Variants in TRIM67 observed in about 807,000 individuals in gnomAD.
TRIM67 encodes tripartite motif-containing protein 67.
A neutral mutation model predicts 71.0 loss-of-function variants in TRIM67; 39 were observed. The ratio of observed to expected loss-of-function variants is 0.55; its 90% confidence interval spans 0.43 to 0.72. The LOEUF (loss-of-function observed/expected upper bound fraction) is 0.72, where lower values mean the gene tolerates loss of function less well. Ranked by LOEUF, TRIM67 falls within the 30% of genes least tolerant of loss-of-function variation. TRIM67 has a pLI of 0.00. For missense variants in TRIM67, 973 were observed against 1,079.2 expected, an observed-to-expected ratio of 0.90 and a Z score of 1.38; for synonymous variants, 481 against 473.9, an observed-to-expected ratio of 1.01 and a Z score of -0.19.
At position 231,221,049 on chromosome 1, in the gene TRIM67, CAGA is replaced by C. The variant is rs143715794; in HGVS notation, c.*5615_*5617del. Reference sequence around the variant, plus strand: ...CAGAGCCCCAGGCTTTCTCGGCACCCAGAAGAAGTGGGGAGCGGGCAAAGCAGA... The same window carrying C: ...CAGAGCCCCAGGCTTTCTCGGCACCCAGAAGTGGGGAGCGGGCAAAGCAGA... On this transcript the variant is annotated 3_prime_UTR_variant, in exon 10 of 10. Transcript: ENST00000366653. 4,162 of 152,412 alleles carry C rather than the reference CAGA, an allele frequency of 0.027. 80 individuals are homozygous for C. Among genetic ancestry groups the C allele is most frequent in the South Asian group, 0.046 (223 of 4,822 alleles). 9.4% of individuals were successfully genotyped at this position (152,412 alleles called of 1,614,324 possible).
intron 1 of TRIM67, among the ~76,000 whole-genome samples, chr1:231,173,632 G>A (rs562880233): frequency 3.3e-5 from 5 of 152,168 alleles, no homozygotes; most frequent in Non-Finnish European, 2.9e-5. Context: ...TGAATAAGGG[G>A]CAGAAGCAGA....
chr1:231,178,483 G>A (rs141787856), intron 1 of TRIM67, among the ~76,000 whole-genome samples: 5 of 152,324 alleles, frequency 3.3e-5, no homozygotes, highest in Non-Finnish European at 7.3e-5. Flanking sequence ...GAACGTCAAG[G>A]CTGAGAATGC....
intron 6 of TRIM67, 80 bp from the exon 7 acceptor site, chr1:231,206,572 A>G: frequency 1.4e-6 from 2 of 1,392,910 alleles, no homozygotes; most frequent in Non-Finnish European, 9.5e-7. Context: ...TTTAATGTCA[A>G]TGTGTTTCCA....
At chr1:231,190,621 T>A (rs1033458213) in intron 1 of TRIM67, among the ~76,000 whole-genome samples, 1 of 152,108 alleles carries the variant, frequency 6.6e-6, no homozygotes, top group African/African-American at 2.4e-5. Context: ...AGCTGGCTCC[T>A]CCCTAAGTGG....
intron 8 of TRIM67, among the ~76,000 whole-genome samples, chr1:231,212,293 T>C (rs573400847): frequency 6.6e-6 from 1 of 152,350 alleles, no homozygotes; most frequent in East Asian, 1.9e-4. Flanking sequence ...GGACACGAAC[T>C]CAAGGTTTTA....
At chr1:231,173,912 G>T (rs1255244084) in intron 1 of TRIM67, among the ~76,000 whole-genome samples, 1 of 152,110 alleles carries the variant, frequency 6.6e-6, no homozygotes, top group East Asian at 1.9e-4. Flanking sequence ...ATGGAGAGAG[G>T]CTTATGCATT....
rs1369158873 is a variant in TRIM67 at position 231,174,864 on chromosome 1, C to T, written c.1044+10851C>T. ...ATGCCCTTTTTGAAACTAATAAATG[C>T]ATAAATAAACAAAATAAGTAGTCTA... On this transcript the variant is annotated intron_variant, in intron 1 of 9. Transcript: ENST00000366653. Among the ~76,000 whole-genome samples the T allele has an allele frequency of 5.3e-5, 8 of 152,154 alleles. No homozygotes were observed. The East Asian group carries it at 1.5e-3, about 29-fold the overall frequency.
In TRIM67 at chr1:231,219,510, G is replaced by A; in HGVS notation, c.*4070G>A. 1.9e-6 allele frequency: 2 copies of A among 1,073,842 alleles called. No individual in the cohort carries two copies. The highest frequency in any genetic ancestry group is 4.5e-4 in the Middle Eastern group (1 of 2,220). 66.5% of individuals were successfully genotyped at this position (1,073,842 alleles called of 1,614,324 possible). A position where few individuals can be genotyped will look rare whatever the true frequency, so the allele number is the denominator to read the frequency against. On this transcript the variant is annotated 3_prime_UTR_variant, in exon 10 of 10. Transcript: ENST00000366653. The stretch of plus-strand genomic sequence containing the variant: ...ATTTTCCATGTGTCTTCAGGGGGCA[G>A]GTAGGGGAAAATGGGGTGAGCCACC...
chr1:231,201,292 C>A, intron 4 of TRIM67, 66 bp from the exon 5 acceptor site: 1 of 1,521,760 alleles, frequency 6.6e-7, no homozygotes, highest in East Asian at 2.4e-5. Flanking sequence ...CTACCTCTTC[C>A]TCACCCCTGG....
At chr1:231,208,867 G>A in intron 7 of TRIM67, 80 bp from the exon 8 acceptor site, 5 of 1,400,734 alleles carry the variant, frequency 3.6e-6, no homozygotes, top group Non-Finnish European at 4.9e-6. Flanking sequence ...AAGCGAATGT[G>A]TTTGTGTCTC....
At chr1:231,192,997 T>G (rs1473585875) in intron 1 of TRIM67, among the ~76,000 whole-genome samples, 2 of 152,164 alleles carry the variant, frequency 1.3e-5, no homozygotes, top group Non-Finnish European at 2.9e-5. Flanking sequence ...CAGCAGGCTC[T>G]GGGGAGGGCT....
intron 1 of TRIM67, chr1:231,187,462 T>A: frequency 2.1e-6 from 3 of 1,408,132 alleles, no homozygotes; most frequent in Non-Finnish European, 1.9e-6. Context: ...GATGAGGGCA[T>A]TTTTAACTTA....
intron 8 of TRIM67, among the ~76,000 whole-genome samples, chr1:231,210,984 C>A (rs1683851473): frequency 7.0e-6 from 1 of 141,908 alleles, no homozygotes; most frequent in Non-Finnish European, 1.5e-5. Context: ...GAGTTCAAGA[C>A]CAGCCTGGGC....
At chr1:231,186,272 G>T in intron 1 of TRIM67, 1 of 1,027,286 alleles carries the variant, frequency 9.7e-7, no homozygotes, top group Non-Finnish European at 1.4e-6. Flanking sequence ...TGAAGGAGGA[G>T]CACATCTCTA....
intron 1 of TRIM67, among the ~76,000 whole-genome samples, chr1:231,186,428 T>A (rs899720742): frequency 2.0e-5 from 3 of 152,120 alleles, no homozygotes; most frequent in Non-Finnish European, 4.4e-5. Context: ...CAGAAATATA[T>A]CGTCTCACTG....
At position 231,163,331 on chromosome 1, in the gene TRIM67, C is replaced by G; in HGVS notation, c.362C>G (p.Ser121Cys). The change falls in exon 1 of 10, where the codon TCC becomes TGC. Residue 121 changes from serine to cysteine, a missense_variant. By Grantham distance (112) the Ser-to-Cys change is moderately radical. Around this residue, in one of 2 missense-constraint regions of TRIM67, gnomAD observed 795 missense variants for 831.3 expected, o/e 0.96. Coordinates refer to ENST00000366653, the MANE Select transcript of TRIM67 (RefSeq NM_001004342.5). ...GGGTCCTACACCCCGAGCCTCAAGT[C>G]CCCCAACGGGGTTCGCGTGCTGCCC... is the stretch of plus-strand genomic sequence containing the variant. ...GYGSYTPSLK[S>C]PNGVRVLPMV... 1 of 1,526,246 alleles carries G rather than the reference C, an allele frequency of 6.6e-7. No individual in the cohort carries two copies. The highest frequency in any genetic ancestry group is 8.8e-7 in the Non-Finnish European group (1 of 1,136,150). The allele number at this position is 1,526,246 out of a possible 1,614,324, so 94.5% of individuals were successfully genotyped here. A position where few individuals can be genotyped will look rare whatever the true frequency, so the allele number is the denominator to read the frequency against.
chr1:231,172,065 C>A (rs1216993227), intron 1 of TRIM67, among the ~76,000 whole-genome samples: 3 of 151,792 alleles, frequency 2.0e-5, no homozygotes, highest in African/African-American at 7.3e-5. Context: ...CTAGCCTGGG[C>A]AACAGAGCAA....
At chr1:231,195,966 C>A (rs868183924) in intron 1 of TRIM67, among the ~76,000 whole-genome samples, 1 of 152,206 alleles carries the variant, frequency 6.6e-6, no homozygotes, top group African/African-American at 2.4e-5. Flanking sequence ...CTGATTCATG[C>A]ATTCAACAAA....
chr1:231,201,321 G>A lies in TRIM67; in HGVS notation c.1375-37G>A, dbSNP rs1442469403. 8 of 1,585,860 alleles carry A rather than the reference G, an allele frequency of 5.0e-6. No homozygotes were observed. In the South Asian group the frequency reaches 9.2e-5, roughly 18 times the overall value. ...CCCCTGGCTGCACAATTTTTCCTTT[G>A]CAAAGCAAAACCTTAAACTCTTTGC... On this transcript the variant is annotated intron_variant, in intron 4 of 9. Transcript: ENST00000366653.
Sources: allele counts gnomAD v4.1 joint callset (sites outside exome capture counted in the v4.1 genomes callset), GRCh38; gene constraint gnomAD v4.1.1; regional missense constraint gnomAD v4.1.1; transcripts MANE v1.5; gene names NCBI Gene and HGNC (gene_info 2026-07-23, HGNC 2026-07-21).